Variants in TPST1 observed in about 807,000 individuals in gnomAD.
TPST1 encodes the protein protein-tyrosine sulfotransferase 1.
Under a neutral mutation model 34.8 loss-of-function variants are expected in TPST1, and 20 were observed. The ratio of observed to expected loss-of-function variants is 0.57; its 90% CI spans 0.40 to 0.84. The LOEUF is 0.84. Among genes scored for constraint, TPST1 ranks in the 40% least tolerant of loss-of-function variants. The pLI is 0.00. For missense variants in TPST1, 353 were observed against 455.5 expected (o/e 0.78, Z 2.05); for synonymous variants, 152 against 159.4 (o/e 0.95, Z 0.35).
At chr7:66,264,242 CA>C (rs1173544221) in intron 2 of TPST1, among the ~76,000 whole-genome samples, 2 of 152,138 alleles carry the variant, frequency 1.3e-5, no homozygotes, top group Non-Finnish European at 2.9e-5. Flanking sequence ...TGGGGGCAAA[CA>C]GTAGACTAAC....
chr7:66,334,196 C>T (rs1315621709), intron 3 of TPST1, among the ~76,000 whole-genome samples: 1 of 152,058 alleles, frequency 6.6e-6, no homozygotes, highest in Non-Finnish European at 1.5e-5. Flanking sequence ...TATCTCTATA[C>T]CCCACCTCCC....
chr7:66,271,683 T>C (rs539318010), intron 2 of TPST1, among the ~76,000 whole-genome samples: 31 of 152,360 alleles, frequency 2.0e-4, no homozygotes, highest in Non-Finnish European at 3.5e-4. Context: ...TTATCCATGT[T>C]GTTACAAATG....
At chr7:66,324,182 T>C (rs1791814420) in intron 3 of TPST1, among the ~76,000 whole-genome samples, 1 of 152,200 alleles carries the variant, frequency 6.6e-6, no homozygotes, top group African/African-American at 2.4e-5. Context: ...ATTTGACTTA[T>C]GGGGTACATA....
intron 3 of TPST1, among the ~76,000 whole-genome samples, chr7:66,347,194 A>G (rs1309960889): frequency 6.8e-6 from 1 of 147,578 alleles, no homozygotes; most frequent in Non-Finnish European, 1.5e-5. Context: ...CAGCCTCCTG[A>G]GTAGCTGGGA....
Position 66,246,250 on chromosome 7 carries a change from C to T in TPST1, c.845+4980C>T, listed in dbSNP as rs73142270. Among the ~76,000 whole-genome samples, 295 of 129,064 alleles carry T rather than the reference C, an allele frequency of 2.3e-3. 1 individual carries two copies. The highest frequency in any genetic ancestry group is 6.7e-3 in the Middle Eastern group (1 of 150). The allele number at this position is 129,064 out of a possible 152,430, so 84.7% of individuals were successfully genotyped here. On this transcript the variant is annotated intron_variant, in intron 2 of 5. Transcript: ENST00000304842. Reference sequence around the variant, plus strand: ...CACTATGTGTTACCCAGGCTGGATTCGAACTCCTGGCCTCAAGCAGTCTTC... The same window carrying T: ...CACTATGTGTTACCCAGGCTGGATTTGAACTCCTGGCCTCAAGCAGTCTTC...
At chr7:66,217,835 C>T (rs1160646135) in intron 1 of TPST1, among the ~76,000 whole-genome samples, 1 of 151,802 alleles carries the variant, frequency 6.6e-6, no homozygotes, top group African/African-American at 2.4e-5. Flanking sequence ...CCGCCCGCCT[C>T]GGCCTCGCAG....
intron 1 of TPST1, 129 bp from the exon 2 acceptor site, chr7:66,240,196 T>C (rs1466861757): frequency 3.6e-6 from 2 of 556,312 alleles, no homozygotes; most frequent in African/African-American, 3.8e-5. Flanking sequence ...CTCAATTTTG[T>C]TTTAAGAATA....
At chr7:66,244,108 C>T (rs894211179) in intron 2 of TPST1, among the ~76,000 whole-genome samples, 30 of 151,794 alleles carry the variant, frequency 2.0e-4, no homozygotes, top group African/African-American at 6.5e-4. Context: ...CCCACCACGC[C>T]CAGCTAATTT....
At chr7:66,286,184 A>G (rs6958420) in intron 2 of TPST1, among the ~76,000 whole-genome samples, 136,455 of 152,174 alleles carry the variant, frequency 0.9, 61,359 homozygotes, top group African/African-American at 0.94. Flanking sequence ...AAGTTGACTG[A>G]CAATTTTTCT....
intron 2 of TPST1, among the ~76,000 whole-genome samples, chr7:66,257,427 A>G (rs185359852): frequency 4.0e-4 from 61 of 152,338 alleles, no homozygotes; most frequent in Admixed American, 2.2e-3. Flanking sequence ...TCTGAAATCC[A>G]GCCAGGATGT....
At chr7:66,265,398 A>G (rs1333275014) in intron 2 of TPST1, among the ~76,000 whole-genome samples, 2 of 152,102 alleles carry the variant, frequency 1.3e-5, no homozygotes, top group African/African-American at 4.8e-5. Flanking sequence ...AAAAATACAA[A>G]AATTAACCAT....
chr7:66,260,555 C>T (rs1319756192), intron 2 of TPST1, among the ~76,000 whole-genome samples: 2 of 152,096 alleles, frequency 1.3e-5, no homozygotes, highest in African/African-American at 4.8e-5. Flanking sequence ...TTTCTCATTA[C>T]GAGTTGTGTT....
At chr7:66,342,371 G>A (rs1330620467) in intron 3 of TPST1, among the ~76,000 whole-genome samples, 1 of 152,142 alleles carries the variant, frequency 6.6e-6, no homozygotes, top group Admixed American at 6.5e-5. Context: ...CTTTAGGTAG[G>A]GAGAAGGGGA....
At chr7:66,337,608 C>T (rs756202729) in intron 3 of TPST1, among the ~76,000 whole-genome samples, 18 of 151,600 alleles carry the variant, frequency 1.2e-4, no homozygotes, top group South Asian at 4.2e-4. Flanking sequence ...CATGTCCGGC[C>T]GACAAAACTA....
chr7:66,229,110 A>G (rs992458758), intron 1 of TPST1, among the ~76,000 whole-genome samples: 1 of 121,184 alleles, frequency 8.3e-6, no homozygotes, highest in Non-Finnish European at 1.7e-5. Flanking sequence ...AATAATTTTG[A>G]GACTGGCTTT....
chr7:66,310,837 A>ATTTG (rs1345710985), intron 3 of TPST1, among the ~76,000 whole-genome samples: 2 of 151,568 alleles, frequency 1.3e-5, no homozygotes, highest in African/African-American at 2.4e-5. Context: ...TTATTTATTT[A>ATTTG]TGAGACAGGG....
intron 3 of TPST1, among the ~76,000 whole-genome samples, chr7:66,329,101 C>T (rs1181777823): frequency 6.6e-6 from 1 of 150,448 alleles, no homozygotes; most frequent in Non-Finnish European, 1.5e-5. Flanking sequence ...TTTGTAGAGA[C>T]GAGGCTTCTC....
chr7:66,343,585 A>G (rs567982403), intron 3 of TPST1, among the ~76,000 whole-genome samples: 3 of 152,216 alleles, frequency 2.0e-5, no homozygotes, highest in Non-Finnish European at 2.9e-5. Context: ...ACTAAAGGAA[A>G]TGTAACCTAT....
chr7:66,263,900 TGA>T (rs1179778791), intron 2 of TPST1, among the ~76,000 whole-genome samples: 1 of 152,018 alleles, frequency 6.6e-6, no homozygotes, highest in Non-Finnish European at 1.5e-5. Flanking sequence ...ACCAAAGACT[TGA>T]AAAAAAGTGT....
Sources: gnomAD v4.1 joint callset for allele counts (sites outside exome capture counted in the v4.1 genomes callset) on GRCh38, gnomAD v4.1.1 for gene constraint, MANE v1.5 for transcripts, NCBI Gene and HGNC (gene_info 2026-07-23, HGNC 2026-07-21) for gene names.